The following PTPRC variants were observed in gnomAD, a reference collection of about 807,000 sequenced individuals.
The protein encoded by PTPRC is protein tyrosine phosphatase receptor type C.
PTPRC carries 44 observed loss-of-function variants against 155.9 expected under a neutral mutation model. The ratio of observed to expected loss-of-function variants is 0.28; its 90% CI spans 0.22 to 0.36. PTPRC has a LOEUF of 0.36. Among genes scored for constraint, PTPRC ranks in the 10% least tolerant of loss-of-function variants. PTPRC has a pLI of 1.00. For synonymous variants in PTPRC, 525 were observed against 533.1 expected (o/e 0.98, Z 0.21); for missense variants, 1,401 against 1,564.6 (o/e 0.90, Z 1.76).
At chr1:198,658,830 C>CAA (rs111375457) in intron 2 of PTPRC, among the ~76,000 whole-genome samples, 17 of 145,144 alleles carry the variant, frequency 1.2e-4, no homozygotes, top group African/African-American at 4.3e-4. Flanking sequence ...CATGATAATC[C>CAA]AAAAAAAAAA....
intron 2 of PTPRC, among the ~76,000 whole-genome samples, chr1:198,650,899 G>A (rs1236687523): frequency 6.6e-6 from 1 of 151,746 alleles, no homozygotes; most frequent in Admixed American, 6.6e-5. Context: ...AAAAGGGTTG[G>A]CATTATAGTG....
At chr1:198,741,021 G>T (rs1297427021) in intron 23 of PTPRC, among the ~76,000 whole-genome samples, 2 of 151,796 alleles carry the variant, frequency 1.3e-5, no homozygotes. Flanking sequence ...ATAGAGTGCT[G>T]TGAAACAATC....
In PTPRC at chr1:198,699,068, T is replaced by TA. The variant is rs1160097981; in HGVS notation, c.299-490dup. Among the ~76,000 whole-genome samples the TA allele has an allele frequency of 4.6e-5, 7 of 152,358 alleles. No homozygotes were observed. The East Asian group carries it at 1.3e-3, about 29-fold the overall frequency. On this transcript the variant is annotated intron_variant, in intron 4 of 32. Transcript: ENST00000442510. ...GAAATATTTCATGTTGATTTACATT[T>TA]AAAAAATTGTTCTTAACACTGAACA...
Position 198,639,273 on chromosome 1 carries a change from C to A in PTPRC, c.5C>A (p.Thr2Asn), listed in dbSNP as rs768227005. The A allele has an allele frequency of 1.2e-6, 2 of 1,613,280 alleles. No individual in the cohort carries two copies. The highest frequency in any genetic ancestry group is 1.7e-6 in the Non-Finnish European group (2 of 1,179,402). Residue 2 changes from threonine (T) to asparagine (N), a missense_variant, in exon 2 of 33, where the codon ACC (threonine) becomes AAC (asparagine). By Grantham distance (65) the Thr-to-Asn change is moderately conservative. This residue lies in a region of PTPRC where 867 missense variants were observed against 970.4 expected (regional missense o/e 0.89). Transcript: ENST00000442510. Reference sequence around the variant, plus strand: ...GGACACGGCTGACTTCCAGATATGACCATGTATTTGTGGCTTAAACTCTTG... The same window carrying A: ...GGACACGGCTGACTTCCAGATATGAACATGTATTTGTGGCTTAAACTCTTG... Reference protein sequence around the residue: MTMYLWLKLLAF... With the variant: MNMYLWLKLLAF...
At chr1:198,719,137 G>T (rs928965331) in intron 14 of PTPRC, among the ~76,000 whole-genome samples, 1 of 151,970 alleles carries the variant, frequency 6.6e-6, no homozygotes, top group Non-Finnish European at 1.5e-5. Context: ...GAGGCTTTTT[G>T]GATATGTAAC....
At chr1:198,692,954 G>A in intron 3 of PTPRC, 1 of 917,834 alleles carries the variant, frequency 1.1e-6, no homozygotes, top group Non-Finnish European at 1.3e-6. Context: ...TTCATACATA[G>A]TACATACAAA....
intron 31 of PTPRC, among the ~76,000 whole-genome samples, chr1:198,753,679 A>T (rs534470325): frequency 6.6e-6 from 1 of 152,192 alleles, no homozygotes; most frequent in African/African-American, 2.4e-5. Context: ...TGTCCTGCTG[A>T]TAACATATTG....
intron 2 of PTPRC, among the ~76,000 whole-genome samples, chr1:198,653,135 T>C (rs541050134): frequency 1.3e-5 from 2 of 151,974 alleles, no homozygotes; most frequent in East Asian, 3.9e-4. Flanking sequence ...TCTATCTTAA[T>C]TAGTCACTTT....
rs754937220 is a variant in PTPRC at position 198,752,308 on chromosome 1, C to T, written c.3267C>T (p.Asp1089=). The T allele has an allele frequency of 4.3e-6, 7 of 1,611,968 alleles. No homozygotes were observed. The highest frequency in any genetic ancestry group is 5.9e-6 in the Non-Finnish European group (7 of 1,178,616). The part of the protein sequence containing the change: ...GKQTYGDIEV[D]LKDTDKSSTY... ...AAACATATGGAGATATTGAAGTTGACCTGAAAGACACAGACAAATCTTCAA... is the reference window on the plus strand; with the variant it reads ...AAACATATGGAGATATTGAAGTTGATCTGAAAGACACAGACAAATCTTCAA... The change falls in exon 30 of 33, where the codon GAC becomes GAT. Residue 1089 remains aspartate (D), a synonymous_variant. Transcript: ENST00000442510.
intron 25 of PTPRC, among the ~76,000 whole-genome samples, chr1:198,742,587 T>C (rs924894438): frequency 4.0e-5 from 6 of 151,828 alleles, no homozygotes; most frequent in African/African-American, 1.4e-4. Flanking sequence ...ACAAAATATA[T>C]AATTTTTAAA....
chr1:198,684,272 A>T (rs1338091710), intron 2 of PTPRC, among the ~76,000 whole-genome samples: 1 of 151,646 alleles, frequency 6.6e-6, no homozygotes, highest in Non-Finnish European at 1.5e-5. Context: ...TTTTAAACCA[A>T]ATATAAAATA....
intron 25 of PTPRC, among the ~76,000 whole-genome samples, chr1:198,743,148 G>A (rs1461654085): frequency 4.0e-5 from 6 of 149,254 alleles, no homozygotes; most frequent in African/African-American, 1.5e-4. Context: ...TAGGGGAATA[G>A]GAAGACAAAA....
At chr1:198,749,621 A>T in intron 28 of PTPRC, 72 bp downstream of exon 28, 1 of 1,449,072 alleles carries the variant, frequency 6.9e-7, no homozygotes, top group East Asian at 2.3e-5. Context: ...AGGGCCATTC[A>T]TTAAGCGATT....
At chr1:198,697,163 T>G (rs1312480831) in intron 4 of PTPRC, among the ~76,000 whole-genome samples, 1 of 152,092 alleles carries the variant, frequency 6.6e-6, no homozygotes, top group Non-Finnish European at 1.5e-5. Context: ...GGAAATTTGT[T>G]CTAGTATCCT....
At chr1:198,729,851 C>A (rs1218972229) in intron 17 of PTPRC, among the ~76,000 whole-genome samples, 1 of 152,046 alleles carries the variant, frequency 6.6e-6, no homozygotes, top group Non-Finnish European at 1.5e-5. Context: ...GGGCAGAAAT[C>A]TGGTCTGTTA....
At chr1:198,703,396 G>A in intron 7 of PTPRC, 24 bp downstream of exon 7, 2 of 1,610,550 alleles carry the variant, frequency 1.2e-6, no homozygotes, top group Non-Finnish European at 1.7e-6. Context: ...CAGTCAGGCA[G>A]CCACACCATC....
chr1:198,752,873 C>A (rs1318063407), intron 31 of PTPRC, 101 bp downstream of exon 31: 3 of 1,337,466 alleles, frequency 2.2e-6, no homozygotes, highest in Non-Finnish European at 3.1e-6. Flanking sequence ...AAACACATAA[C>A]CACAGTAAAA....
chr1:198,747,407 G>A (rs1453251468), intron 26 of PTPRC, among the ~76,000 whole-genome samples: 1 of 151,766 alleles, frequency 6.6e-6, no homozygotes, highest in Non-Finnish European at 1.5e-5. Flanking sequence ...GACTTTTTAT[G>A]CTATTTTGAG....
At chr1:198,720,968 T>C (rs952841723) in intron 14 of PTPRC, among the ~76,000 whole-genome samples, 2 of 152,196 alleles carry the variant, frequency 1.3e-5, no homozygotes, top group Non-Finnish European at 2.9e-5. Flanking sequence ...CTCCACGCTC[T>C]TCCCACTTCC....
Sources: allele counts gnomAD v4.1 joint callset (sites outside exome capture counted in the v4.1 genomes callset), GRCh38; gene constraint gnomAD v4.1.1; regional missense constraint gnomAD v4.1.1; transcripts MANE v1.5; gene names NCBI Gene and HGNC (gene_info 2026-07-23, HGNC 2026-07-21).